KMT2A: variants seen among roughly 807,000 people sequenced by gnomAD.
KMT2A encodes lysine methyltransferase 2A.
Under a neutral mutation model 345.3 loss-of-function variants are expected in KMT2A, and 16 were observed. The ratio of observed to expected loss-of-function variants is 0.05; its 90% CI spans 0.03 to 0.07. The LOEUF is 0.07. KMT2A is among the 10% of genes least tolerant of loss of function. The pLI is 1.00. For missense variants in KMT2A, 3,272 were observed against 4,841.6 expected (o/e 0.68, Z 9.62); for synonymous variants, 1,599 against 1,778.6 (o/e 0.90, Z 2.54).
chr11:118,477,497 G>GTTTTTTT (rs1565283646), intron 4 of KMT2A, among the ~76,000 whole-genome samples: 2 of 57,326 alleles, frequency 3.5e-5, no homozygotes, highest in African/African-American at 1.4e-4. Flanking sequence ...CAAGTTATTG[G>GTTTTTTT]CTTTTTTTTT....
At position 118,453,343 on chromosome 11, in the gene KMT2A, T is replaced by C. The variant is rs782352996; in HGVS notation, c.433-15432T>C. 1.2e-4 allele frequency among the ~76,000 whole-genome samples: 18 copies of C among 152,230 alleles called. 1 individual carries two copies. The highest frequency in any genetic ancestry group is 2.6e-4 in the Non-Finnish European group (18 of 68,042). ...ACCAGATTGAATAGATAATTCTCAGTTCTCATCTTGTTAAACCCTTTGGCA... is the reference window on the plus strand; with the variant it reads ...ACCAGATTGAATAGATAATTCTCAGCTCTCATCTTGTTAAACCCTTTGGCA... On this transcript the variant is annotated intron_variant, in intron 1 of 35. Transcript: ENST00000534358.
chr11:118,468,632 T>C, intron 1 of KMT2A, 143 bp from the exon 2 acceptor site: 1 of 646,092 alleles, frequency 1.5e-6, no homozygotes, highest in African/African-American at 1.8e-5. Context: ...TTAGTTATTT[T>C]ATAGTATCCA....
Position 118,525,331 on chromosome 11 carries a change from G to A in KMT2A, c.*3159G>A, listed in dbSNP as rs947740547. On this transcript the variant is annotated 3_prime_UTR_variant, in exon 36 of 36. Transcript: ENST00000534358. Reference sequence around the variant, plus strand: ...AGAACCTGTTGTGGCTGCATTTCCTGGTGGCCAGTGACAACTGTGTAACCA... The same window carrying A: ...AGAACCTGTTGTGGCTGCATTTCCTAGTGGCCAGTGACAACTGTGTAACCA... The A allele has an allele frequency of 1.3e-5, 3 of 227,044 alleles. No individual in the cohort carries two copies. Among genetic ancestry groups the A allele is most frequent in the Admixed American group, 5.7e-5 (1 of 17,560 alleles). The allele number at this position is 227,044 out of a possible 1,614,324, so 14.1% of individuals were successfully genotyped here.
intron 25 of KMT2A, among the ~76,000 whole-genome samples, 178 bp from the exon 26 acceptor site, chr11:118,501,494 G>A (rs1403845685): frequency 6.6e-6 from 1 of 151,906 alleles, no homozygotes; most frequent in Non-Finnish European, 1.5e-5. Context: ...AAGATGTGAT[G>A]GAACTTGAAT....
At chr11:118,442,774 A>C (rs1175354358) in intron 1 of KMT2A, among the ~76,000 whole-genome samples, 5 of 152,214 alleles carry the variant, frequency 3.3e-5, no homozygotes, top group African/African-American at 1.2e-4. Flanking sequence ...TTTTCAGAAT[A>C]AGATAAAATA....
Position 118,522,637 on chromosome 11 carries a change from A to T in KMT2A, c.*465A>T, listed in dbSNP as rs550188805. 8.8e-6 allele frequency: 2 copies of T among 226,590 alleles called. No homozygotes were observed. The highest frequency in any genetic ancestry group is 3.2e-4 in the South Asian group (2 of 6,308). The allele number at this position is 226,590 out of a possible 1,614,324, so 14.0% of individuals were successfully genotyped here. A position where few individuals can be genotyped will look rare whatever the true frequency, so the allele number is the denominator to read the frequency against. On this transcript the variant is annotated 3_prime_UTR_variant, in exon 36 of 36. Coordinates refer to ENST00000534358, the MANE Select transcript of KMT2A (RefSeq NM_001197104.2). This position sits in a 1 kb window ranked among gnomAD's most constrained non-coding sequence, Gnocchi z 5.4. ...ACAGTTTGCCAGCCAGGCCCCACCTACAGCGTCTGTCGAACAAACAGAGGT... is the reference window on the plus strand; with the variant it reads ...ACAGTTTGCCAGCCAGGCCCCACCTTCAGCGTCTGTCGAACAAACAGAGGT...
In KMT2A at chr11:118,510,537, G is replaced by T. The variant is rs782773165; in HGVS notation, c.11071+419G>T. On this transcript the variant is annotated intron_variant, in intron 30 of 35. Transcript: ENST00000534358. This position sits in a 1 kb window ranked among gnomAD's most constrained non-coding sequence, Gnocchi z 4.1. ...TCACCCTTCAAGATCCAGCTCAGAC[G>T]GTCTTCCCTGACCTTCTGAGGTAGC... Among the ~76,000 whole-genome samples, 14 of 151,956 alleles carry T rather than the reference G, an allele frequency of 9.2e-5. No individual in the cohort carries two copies. Among genetic ancestry groups the T allele is most frequent in the Non-Finnish European group, 1.6e-4 (11 of 67,982 alleles).
At position 118,463,188 on chromosome 11, in the gene KMT2A, G is replaced by A. The variant is rs559047647; in HGVS notation, c.433-5587G>A. Among the ~76,000 whole-genome samples, 99 of 151,214 alleles carry A rather than the reference G, an allele frequency of 6.5e-4. 2 individuals are homozygous for A. In the South Asian group the frequency reaches 0.02, roughly 30 times the overall value. ...GCCCAGGCTGGTCTTGCACTCCTGG[G>A]GTCAAGCAATCCTCCTACCTTGTCC... On this transcript the variant is annotated intron_variant, in intron 1 of 35. Coordinates refer to ENST00000534358, the MANE Select transcript of KMT2A (RefSeq NM_001197104.2).
At chr11:118,438,960 G>C in intron 1 of KMT2A, 1 of 451,696 alleles carries the variant, frequency 2.2e-6, no homozygotes, top group South Asian at 1.6e-5. Flanking sequence ...GGTTGTTTGA[G>C]ACTATTTATT....
chr11:118,461,866 G>A (rs1446891018), intron 1 of KMT2A, among the ~76,000 whole-genome samples: 1 of 152,174 alleles, frequency 6.6e-6, no homozygotes. Context: ...GATCCCATGT[G>A]CTTAAGGAGA....
At chr11:118,509,263 A>G in intron 29 of KMT2A, 63 bp downstream of exon 29, 1 of 1,244,906 alleles carries the variant, frequency 8.0e-7, no homozygotes, top group Non-Finnish European at 1.1e-6. Context: ...TATGAGAATC[A>G]CCCACTTTAC....
chr11:118,514,430 A>G (rs1591298951), intron 31 of KMT2A, among the ~76,000 whole-genome samples: 1 of 147,108 alleles, frequency 6.8e-6, no homozygotes, highest in Non-Finnish European at 1.5e-5. Flanking sequence ...TTCCAGATCC[A>G]TCCATGTGTC....
At chr11:118,447,442 A>G (rs902551796) in intron 1 of KMT2A, among the ~76,000 whole-genome samples, 2 of 152,240 alleles carry the variant, frequency 1.3e-5, no homozygotes, top group African/African-American at 2.4e-5. Flanking sequence ...ACTAATCATT[A>G]AGAAATACTA....
intron 15 of KMT2A, among the ~76,000 whole-genome samples, 194 bp downstream of exon 15, chr11:118,492,122 G>C (rs1555042681): frequency 6.6e-6 from 1 of 152,198 alleles, no homozygotes; most frequent in Non-Finnish European, 1.5e-5. Flanking sequence ...TATCTTCAAA[G>C]GTCTTGCTGT....
At position 118,521,459 on chromosome 11, in the gene KMT2A, T is replaced by C. The variant is rs1950966710; in HGVS notation, c.11643+42T>C. The C allele has an allele frequency of 6.2e-7, 1 of 1,608,998 alleles. No homozygotes were observed. Among genetic ancestry groups the C allele is most frequent in the Non-Finnish European group, 8.5e-7 (1 of 1,175,802 alleles). On this transcript the variant is annotated intron_variant, in intron 35 of 35. Coordinates refer to ENST00000534358, the MANE Select transcript of KMT2A (RefSeq NM_001197104.2). This position sits in a 1 kb window ranked among gnomAD's most constrained non-coding sequence, Gnocchi z 5.3. ...CACTCACACAGTTCTTTTGTTTTGCTGTAGAAAGGGACCAGTATGACCCCT... is the reference window on the plus strand; with the variant it reads ...CACTCACACAGTTCTTTTGTTTTGCCGTAGAAAGGGACCAGTATGACCCCT...
chr11:118,466,642 C>G (rs1555034146), intron 1 of KMT2A, among the ~76,000 whole-genome samples: 1 of 151,850 alleles, frequency 6.6e-6, no homozygotes, highest in Admixed American at 6.6e-5. Flanking sequence ...ATTGCAAAAG[C>G]CCATCTCTAC....
chr11:118,505,727 ACTTCAT>A lies in KMT2A; in HGVS notation c.9838_9843del (p.Ser3280_Ser3281del). On this transcript the variant is annotated inframe_deletion, in exon 27 of 36. Coordinates refer to ENST00000534358, the MANE Select transcript of KMT2A (RefSeq NM_001197104.2). The surrounding 1 kb of genome is among the most constrained non-coding windows in gnomAD (Gnocchi z 4.6). ...TCTGTTAGATTTGGGGTCACTTAAT[ACTTCAT>A]CTCACCGAACTGTCCCCAACATCAT... is the stretch of plus-strand genomic sequence containing the variant. 6.2e-7 allele frequency: 1 copy of A among 1,614,104 alleles called. No homozygotes were observed. The highest frequency in any genetic ancestry group is 8.5e-7 in the Non-Finnish European group (1 of 1,180,012).
chr11:118,442,648 A>G (rs1013913012), intron 1 of KMT2A, among the ~76,000 whole-genome samples: 1 of 152,200 alleles, frequency 6.6e-6, no homozygotes, highest in African/African-American at 2.4e-5. Flanking sequence ...GATCTGAGTT[A>G]ACTTTTGATT....
chr11:118,515,135 T>C (rs555806941), intron 31 of KMT2A, among the ~76,000 whole-genome samples: 1 of 152,344 alleles, frequency 6.6e-6, no homozygotes, highest in South Asian at 2.1e-4. Context: ...CTGAGAAAGC[T>C]GAATTTTTAA....
Sources: gnomAD v4.1 joint callset for allele counts (sites outside exome capture counted in the v4.1 genomes callset) on GRCh38, gnomAD v4.1.1 for gene constraint, Gnocchi (gnomAD v3.1) non-coding constraint, MANE v1.5 for transcripts, NCBI Gene and HGNC (gene_info 2026-07-23, HGNC 2026-07-21) for gene names.